The following HPSE2 variants were observed in gnomAD, a reference collection of about 807,000 sequenced individuals.
The protein encoded by HPSE2 is heparanase 2 (inactive), also known as inactive heparanase-2.
Under a neutral mutation model 60.5 loss-of-function variants are expected in HPSE2, and 38 were observed. The observed-to-expected ratio is 0.63, with a 90% CI of 0.48 to 0.82. HPSE2 has a LOEUF of 0.82. Among genes scored for constraint, HPSE2 ranks in the 40% least tolerant of loss-of-function variants. HPSE2 has a pLI of 0.00. For missense variants in HPSE2, 713 were observed against 740.4 expected (o/e 0.96, Z 0.43); for synonymous variants, 295 against 293.2 (o/e 1.01, Z -0.06).
At chr10:98,584,026 A>G (rs982464938) in intron 9 of HPSE2, among the ~76,000 whole-genome samples, 2 of 152,214 alleles carry the variant, frequency 1.3e-5, no homozygotes, top group African/African-American at 2.4e-5. Context: ...TATACCTAGC[A>G]ATGGAAATGC....
chr10:99,269,568 G>C, the HPSE2 span, among the ~76,000 whole-genome samples: 1 of 152,100 alleles, frequency 6.6e-6, no homozygotes, highest in Non-Finnish European at 1.5e-5. Flanking sequence ...AGTCAACAAA[G>C]AAACAATGGA....
chr10:98,730,753 CTAAA>C (rs1194908166), intron 4 of HPSE2, among the ~76,000 whole-genome samples: 20 of 152,130 alleles, frequency 1.3e-4, no homozygotes, highest in African/African-American at 4.8e-4. Context: ...TTAAAACTGA[CTAAA>C]TAAGACACAG....
intron 10 of HPSE2, among the ~76,000 whole-genome samples, chr10:98,487,449 C>T (rs1591256285): frequency 6.6e-6 from 1 of 152,144 alleles, no homozygotes; most frequent in African/African-American, 2.4e-5. Flanking sequence ...AATAGGCACT[C>T]GGCTGAATGA....
chr10:98,692,078 G>A (rs1438278425), intron 6 of HPSE2, among the ~76,000 whole-genome samples: 3 of 152,046 alleles, frequency 2.0e-5, no homozygotes, highest in East Asian at 1.9e-4. Context: ...TATTAAAAAA[G>A]AACTAAGAAA....
intron 6 of HPSE2, among the ~76,000 whole-genome samples, chr10:98,691,599 G>T (rs760173117): frequency 2.6e-5 from 4 of 152,080 alleles, no homozygotes; most frequent in Non-Finnish European, 5.9e-5. Context: ...ATTCTTAAAG[G>T]TTCAGCCTTT....
chr10:98,576,956 C>G (rs1944658417), intron 9 of HPSE2, among the ~76,000 whole-genome samples: 1 of 151,936 alleles, frequency 6.6e-6, no homozygotes, highest in Admixed American at 6.6e-5. Flanking sequence ...AAATATACCA[C>G]TATTTCTGAA....
At chr10:98,638,479 C>T (rs532759825) in intron 7 of HPSE2, among the ~76,000 whole-genome samples, 2 of 152,250 alleles carry the variant, frequency 1.3e-5, no homozygotes, top group East Asian at 1.9e-4. Flanking sequence ...TAAAACCTAA[C>T]TTGGCCCATC....
chr10:98,539,854 C>T (rs56948147), intron 9 of HPSE2, among the ~76,000 whole-genome samples: 2 of 151,918 alleles, frequency 1.3e-5, no homozygotes, highest in African/African-American at 4.8e-5. Context: ...TTTACCCCCA[C>T]CTTAGGCACA....
At chr10:98,942,080 C>G (rs1955024230) in intron 3 of HPSE2, among the ~76,000 whole-genome samples, 1 of 142,518 alleles carries the variant, frequency 7.0e-6, no homozygotes, top group Non-Finnish European at 1.5e-5. Context: ...AAAATTAATT[C>G]AAGATGGATT....
chr10:98,774,167 C>T (rs1273049001), intron 3 of HPSE2, among the ~76,000 whole-genome samples: 2 of 152,002 alleles, frequency 1.3e-5, no homozygotes, highest in African/African-American at 4.8e-5. Flanking sequence ...TATATACATT[C>T]CTATCTATAC....
At chr10:99,035,076 C>T (rs1190911149) in intron 3 of HPSE2, among the ~76,000 whole-genome samples, 1 of 152,106 alleles carries the variant, frequency 6.6e-6, no homozygotes, top group Non-Finnish European at 1.5e-5. Context: ...TTAGGGTACA[C>T]TAAATTTATT....
At chr10:99,219,845 T>A (rs1466344267) in intron 2 of HPSE2, among the ~76,000 whole-genome samples, 1 of 152,214 alleles carries the variant, frequency 6.6e-6, no homozygotes, top group African/African-American at 2.4e-5. Context: ...CTGCCTTCTT[T>A]AGTCTGTTTC....
At chr10:98,981,122 TGA>T (rs1956195623) in intron 3 of HPSE2, among the ~76,000 whole-genome samples, 1 of 152,156 alleles carries the variant, frequency 6.6e-6, no homozygotes, top group Non-Finnish European at 1.5e-5. Context: ...ACCAGAAAAC[TGA>T]AATAAATCTC....
chr10:98,506,009 C>T (rs1276350147), intron 9 of HPSE2, among the ~76,000 whole-genome samples: 1 of 151,866 alleles, frequency 6.6e-6, no homozygotes, highest in Non-Finnish European at 1.5e-5. Context: ...ATAGACACTT[C>T]GGCATCAGAT....
intron 2 of HPSE2, 64 bp from the exon 3 acceptor site, chr10:99,144,463 T>G: frequency 6.3e-7 from 1 of 1,579,142 alleles, no homozygotes; most frequent in Non-Finnish European, 8.6e-7. Flanking sequence ...TAATACATCA[T>G]CAAAGTCTTG....
chr10:99,306,816 T>G, the HPSE2 span, among the ~76,000 whole-genome samples: 1 of 152,194 alleles, frequency 6.6e-6, no homozygotes, highest in Non-Finnish European at 1.5e-5. Context: ...TTCAAGTGAT[T>G]CTCCTGCCTC....
chr10:98,497,914 A>AGAAGTCAT (rs1251988870), intron 9 of HPSE2, among the ~76,000 whole-genome samples: 1 of 152,226 alleles, frequency 6.6e-6, no homozygotes, highest in Non-Finnish European at 1.5e-5. Flanking sequence ...GGATGCTTAT[A>AGAAGTCAT]GAAGTCATGT....
chr10:98,508,789 T>C (rs1005100466), intron 9 of HPSE2, among the ~76,000 whole-genome samples: 1 of 152,082 alleles, frequency 6.6e-6, no homozygotes, highest in Non-Finnish European at 1.5e-5. Flanking sequence ...GAGTTTGGTG[T>C]GTTTGAGAAT....
intron 9 of HPSE2, among the ~76,000 whole-genome samples, chr10:98,496,874 G>T (rs1462905058): frequency 6.6e-6 from 1 of 150,810 alleles, no homozygotes; most frequent in African/African-American, 2.4e-5. Context: ...ACTTTTTATG[G>T]TTTTTTGACA....
Sources: allele counts gnomAD v4.1 joint callset (sites outside exome capture counted in the v4.1 genomes callset), GRCh38; gene constraint gnomAD v4.1.1; transcripts MANE v1.5; gene names NCBI Gene and HGNC (gene_info 2026-07-23, HGNC 2026-07-21).